Variants in BAZ2B observed in about 807,000 individuals in gnomAD.
BAZ2B encodes the protein bromodomain adjacent to zinc finger domain protein 2B.
A neutral mutation model predicts 246.0 loss-of-function variants in BAZ2B; 91 were observed. The ratio of observed to expected loss-of-function variants is 0.37; its 90% CI spans 0.31 to 0.44. BAZ2B has a LOEUF of 0.44. BAZ2B is among the 20% of genes least tolerant of loss of function. BAZ2B has a pLI of 1.00. For missense variants in BAZ2B, 2,332 were observed against 2,533.7 expected (o/e 0.92, Z 1.71); for synonymous variants, 855 against 860.0 (o/e 0.99, Z 0.10).
At chr2:159,356,576 G>C (rs1035466478) in intron 27 of BAZ2B, among the ~76,000 whole-genome samples, 2 of 152,154 alleles carry the variant, frequency 1.3e-5, no homozygotes, top group Admixed American at 6.5e-5. Flanking sequence ...GTTCCTGCCT[G>C]GTGGCTCTGA....
Position 159,404,869 on chromosome 2 carries a change from T to G in BAZ2B, c.2812A>C (p.Ile938Leu). The change falls in exon 16 of 37, where the codon ATA (isoleucine) becomes CTA (leucine). Residue 938 changes from isoleucine (I) to leucine (L), a missense_variant. By Grantham distance (5) the Ile-to-Leu change is conservative. Coordinates refer to ENST00000392783, the MANE Select transcript of BAZ2B (RefSeq NM_013450.4). ...CATACCTGCTGTTTCATAATCTTTA[T>G]CTGTTCTTTTTGCTTCCGCTTCTCC... The part of the protein sequence containing the change: ...AEEKRKQKEQ[I>L]KIMKQQEKIK... 1 of 1,613,178 alleles carries G rather than the reference T, an allele frequency of 6.2e-7. No individual in the cohort carries two copies. Among genetic ancestry groups the G allele is most frequent in the Non-Finnish European group, 8.5e-7 (1 of 1,179,872 alleles).
At chr2:159,535,120 A>AAAGATATAT (rs1559715933) in intron 2 of BAZ2B, among the ~76,000 whole-genome samples, 5 of 152,144 alleles carry the variant, frequency 3.3e-5, no homozygotes, top group African/African-American at 1.2e-4. Flanking sequence ...AGATATAATT[A>AAAGATATAT]AATTGGCAAG....
At chr2:159,476,111 A>T (rs1396642673) in intron 3 of BAZ2B, among the ~76,000 whole-genome samples, 1 of 152,100 alleles carries the variant, frequency 6.6e-6, no homozygotes, top group African/African-American at 2.4e-5. Flanking sequence ...GGTAGGCAGG[A>T]ATGTTTAAGT....
chr2:159,427,985 T>C lies in BAZ2B; in HGVS notation c.2422A>G (p.Lys808Glu), dbSNP rs745948655. ...ISRDNFSFSA[K>E]IRVGDFYEAR... ...TCATAGAAGTCACCCACTCTTATTT[T>C]TGCACTGAAGCTGAAATTGTCCCTT... The change falls in exon 13 of 37, where the codon AAA becomes GAA. Residue 808 changes from lysine (K) to glutamate (E), a missense_variant. By Grantham distance (56) the Lys-to-Glu change is moderately conservative. Transcript: ENST00000392783. 4.3e-6 allele frequency: 7 copies of C among 1,613,442 alleles called. No homozygotes were observed. Among genetic ancestry groups the C allele is most frequent in the Admixed American group, 1.7e-5 (1 of 59,996 alleles).
chr2:159,632,594 T>A, the BAZ2B span, among the ~76,000 whole-genome samples: 3 of 152,218 alleles, frequency 2.0e-5, no homozygotes, highest in Non-Finnish European at 4.4e-5. Context: ...AACTCTGTGA[T>A]AAGTGATGTC....
chr2:159,680,193 T>A, the BAZ2B span, among the ~76,000 whole-genome samples: 1 of 152,082 alleles, frequency 6.6e-6, no homozygotes, highest in East Asian at 1.9e-4. Context: ...AAAAGTATAA[T>A]CTTACAAAAA....
chr2:159,532,906 C>T (rs922386794), intron 2 of BAZ2B, among the ~76,000 whole-genome samples: 24 of 151,892 alleles, frequency 1.6e-4, no homozygotes, highest in African/African-American at 7.3e-5. Context: ...CATGGAGAGA[C>T]AGAAAAAGTA....
intron 1 of BAZ2B, among the ~76,000 whole-genome samples, chr2:159,597,795 T>A (rs1024420717): frequency 6.6e-6 from 1 of 152,152 alleles, no homozygotes; most frequent in Admixed American, 6.5e-5. Context: ...GTTACTTTGA[T>A]TAAATAAGTA....
the BAZ2B span, among the ~76,000 whole-genome samples, chr2:159,673,121 A>G: frequency 9.2e-5 from 14 of 152,222 alleles, no homozygotes; most frequent in Non-Finnish European, 1.3e-4. Flanking sequence ...TACAGGTAAT[A>G]GGCTAATATT....
At chr2:159,542,521 T>C (rs2086784573) in intron 2 of BAZ2B, among the ~76,000 whole-genome samples, 1 of 152,072 alleles carries the variant, frequency 6.6e-6, no homozygotes, top group Admixed American at 6.6e-5. Context: ...CCTGTAGTCC[T>C]AGCTATTCAG....
chr2:159,434,143 A>T (rs1257250793), intron 8 of BAZ2B: 1 of 143,704 alleles, frequency 7.0e-6, no homozygotes, highest in Non-Finnish European at 1.6e-5. Flanking sequence ...AAAGATCATA[A>T]GTCAAAGAAT....
At chr2:159,374,619 AACTAATCCCCTT>A in intron 26 of BAZ2B, 60 bp downstream of exon 26, 1 of 1,369,350 alleles carries the variant, frequency 7.3e-7, no homozygotes, top group Non-Finnish European at 1.0e-6. Context: ...CAGTCAGAAA[AACTAATCCCCTT>A]ACAATGTAGA....
the BAZ2B span, among the ~76,000 whole-genome samples, chr2:159,688,518 A>G: frequency 6.6e-6 from 1 of 152,252 alleles, no homozygotes; most frequent in Non-Finnish European, 1.5e-5. Flanking sequence ...TTATCAAAAT[A>G]AGGAAGTTAG....
At chr2:159,682,107 C>T in the BAZ2B span, among the ~76,000 whole-genome samples, 1 of 151,494 alleles carries the variant, frequency 6.6e-6, no homozygotes, top group Non-Finnish European at 1.5e-5. Flanking sequence ...CAATGGCAAT[C>T]CTATAGGACT....
At position 159,325,586 on chromosome 2, in the gene BAZ2B, T is replaced by C. The variant is rs1017635152; in HGVS notation, c.6209+67A>G. On this transcript the variant is annotated intron_variant, in intron 35 of 36. Transcript: ENST00000392783. ...TATCAGAAAGAAAGCTTTAATATGG[T>C]AAAAGGTTTCTAAACAAATAAAATG... 6.0e-6 allele frequency: 9 copies of C among 1,489,580 alleles called. No individual in the cohort carries two copies. The African/African-American group carries it at 1.3e-4, about 22-fold the overall frequency. 92.3% of individuals were successfully genotyped at this position (1,489,580 alleles called of 1,614,324 possible). A position where few individuals can be genotyped will look rare whatever the true frequency, so the allele number is the denominator to read the frequency against.
the BAZ2B span, among the ~76,000 whole-genome samples, chr2:159,682,023 T>C: frequency 1.3e-4 from 20 of 151,942 alleles, no homozygotes; most frequent in Non-Finnish European, 2.4e-4. Flanking sequence ...TTAGTATAAA[T>C]GGGAGAGAAC....
At chr2:159,315,715 A>C (rs182260056), downstream of BAZ2B, among the ~76,000 whole-genome samples, 1 of 152,352 alleles carries the variant, frequency 6.6e-6, no homozygotes, top group Non-Finnish European at 1.5e-5. Flanking sequence ...ACAATGTGGA[A>C]AGGGATTATA....
Position 159,319,547 on chromosome 2 carries a change from C to T in BAZ2B, c.*718G>A, listed in dbSNP as rs1242523862. 6.6e-6 allele frequency: 1 copy of T among 152,466 alleles called. No individual in the cohort carries two copies. Among genetic ancestry groups the T allele is most frequent in the Non-Finnish European group, 1.5e-5 (1 of 67,994 alleles). The allele number at this position is 152,466 out of a possible 1,614,324, so 9.4% of individuals were successfully genotyped here. ...ATATACACATAATACATATTTAAAA[C>T]AAGACTTAATATAAACAAGAATGAA... On this transcript the variant is annotated 3_prime_UTR_variant, in exon 37 of 37. Transcript: ENST00000392783. This position sits in a 1 kb window ranked among gnomAD's most constrained non-coding sequence, Gnocchi z 4.0.
At chr2:159,474,317 T>C (rs2078216437) in intron 3 of BAZ2B, among the ~76,000 whole-genome samples, 1 of 152,256 alleles carries the variant, frequency 6.6e-6, no homozygotes, top group African/African-American at 2.4e-5. Flanking sequence ...TGTAATGCCC[T>C]TTTTTGTCTC....
Sources: allele counts gnomAD v4.1 joint callset (sites outside exome capture counted in the v4.1 genomes callset), GRCh38; gene constraint gnomAD v4.1.1; non-coding constraint Gnocchi (gnomAD v3.1); transcripts MANE v1.5; gene names NCBI Gene and HGNC (gene_info 2026-07-23, HGNC 2026-07-21).